Variants in NKAIN3 observed in about 807,000 individuals in gnomAD.
The protein encoded by NKAIN3 is sodium/potassium-transporting ATPase subunit beta-1-interacting protein 3.
NKAIN3 carries 25 observed loss-of-function variants against 30.2 expected under a neutral mutation model. That is an observed-to-expected ratio of 0.83 (90% CI 0.60 to 1.16). The LOEUF is 1.16. NKAIN3 is among the 50% of genes most tolerant of loss of function. The pLI is 0.00. For synonymous variants in NKAIN3, 91 were observed against 89.6 expected (o/e 1.02, Z -0.09); for missense variants, 225 against 254.1 (o/e 0.89, Z 0.78).
intron 6 of NKAIN3, among the ~76,000 whole-genome samples, chr8:62,960,753 ACAC>A (rs1005101792): frequency 6.6e-6 from 1 of 151,926 alleles, no homozygotes; most frequent in African/African-American, 2.4e-5. Context: ...ACACACACAC[ACAC>A]AAGTGATTAG....
Position 62,967,859 on chromosome 8 carries a change from T to C in NKAIN3, c.*2452T>C, listed in dbSNP as rs913555179. ...GAACCATACTAAATTTTGTTTCTAT[T>C]TTATCTTCACGTGAATTTGTACATA... On this transcript the variant is annotated 3_prime_UTR_variant, in exon 7 of 7. Transcript: ENST00000623646. Among the ~76,000 whole-genome samples, 1 of 152,216 alleles carries C rather than the reference T, an allele frequency of 6.6e-6. No individual in the cohort carries two copies. Among genetic ancestry groups the C allele is most frequent in the Non-Finnish European group, 1.5e-5 (1 of 68,046 alleles).
In NKAIN3 at chr8:62,810,431, C is replaced by T. The variant is rs975940779; in HGVS notation, c.471+63302C>T. On this transcript the variant is annotated intron_variant, in intron 4 of 6. Transcript: ENST00000623646. ...GAGAAGGTCTGGGTTTCAGCCTGGA[C>T]CCTTGATCTGATTCGCTTTAAGGAC... Among the ~76,000 whole-genome samples, 8 of 152,092 alleles carry T rather than the reference C, an allele frequency of 5.3e-5. No individual in the cohort carries two copies. In the South Asian group the frequency reaches 1.0e-3, roughly 20 times the overall value.
At chr8:62,992,416 A>G (rs1241281999) in intron 5 of NKAIN3, among the ~76,000 whole-genome samples, 1 of 151,926 alleles carries the variant, frequency 6.6e-6, no homozygotes, top group East Asian at 1.9e-4. Flanking sequence ...CAGTTCTACT[A>G]TTCATTTACT....
chr8:62,773,246 T>A (rs930311170), intron 4 of NKAIN3, among the ~76,000 whole-genome samples: 1 of 152,132 alleles, frequency 6.6e-6, no homozygotes. Context: ...TGGAGAGAGA[T>A]TGGAGTATGG....
At chr8:62,781,584 G>A (rs1407929655) in intron 4 of NKAIN3, among the ~76,000 whole-genome samples, 2 of 151,832 alleles carry the variant, frequency 1.3e-5, no homozygotes, top group African/African-American at 4.8e-5. Flanking sequence ...TAGATGCATG[G>A]ACCAATGGAA....
intron 3 of NKAIN3, among the ~76,000 whole-genome samples, chr8:62,639,954 C>T (rs1213915429): frequency 6.6e-6 from 1 of 152,092 alleles, no homozygotes; most frequent in Non-Finnish European, 1.5e-5. Context: ...AGTAGGACTT[C>T]TAAGCTTTAC....
chr8:62,496,940 A>G (rs904668427), intron 1 of NKAIN3, among the ~76,000 whole-genome samples: 4 of 152,130 alleles, frequency 2.6e-5, no homozygotes, highest in African/African-American at 9.7e-5. Flanking sequence ...TAATAACTAC[A>G]GCGGCTATGC....
intron 4 of NKAIN3, among the ~76,000 whole-genome samples, chr8:62,817,877 A>G (rs1818733801): frequency 6.6e-6 from 1 of 152,086 alleles, no homozygotes; most frequent in African/African-American, 2.4e-5. Flanking sequence ...ATTTTCATTT[A>G]TCGTTTTTGT....
chr8:62,852,044 T>G (rs1819920667), intron 4 of NKAIN3, among the ~76,000 whole-genome samples: 1 of 152,224 alleles, frequency 6.6e-6, no homozygotes, highest in Non-Finnish European at 1.5e-5. Context: ...CAGCTCCTCC[T>G]TCTACCTCTG....
At chr8:62,529,724 GT>G (rs1177223075) in intron 1 of NKAIN3, among the ~76,000 whole-genome samples, 1 of 152,032 alleles carries the variant, frequency 6.6e-6, no homozygotes. Flanking sequence ...CCAGTACATG[GT>G]ATTCTGTTAT....
At chr8:62,929,118 C>T (rs1274075613) in intron 5 of NKAIN3, among the ~76,000 whole-genome samples, 1 of 152,184 alleles carries the variant, frequency 6.6e-6, no homozygotes, top group Non-Finnish European at 1.5e-5. Context: ...AGTAAGCATG[C>T]AGGGAATCAC....
chr8:62,948,184 C>T (rs1368485775), intron 5 of NKAIN3, among the ~76,000 whole-genome samples: 2 of 151,500 alleles, frequency 1.3e-5, no homozygotes, highest in Non-Finnish European at 2.9e-5. Flanking sequence ...ATATCTGTGA[C>T]TTGGTATTTC....
At chr8:62,987,283 C>T (rs1462910885), downstream of NKAIN3, among the ~76,000 whole-genome samples, 1 of 151,932 alleles carries the variant, frequency 6.6e-6, no homozygotes, top group African/African-American at 2.4e-5. Context: ...TGTAATTCTA[C>T]TTGAGAGGCT....
chr8:62,870,913 G>A (rs1415998762), intron 4 of NKAIN3, among the ~76,000 whole-genome samples: 5 of 151,748 alleles, frequency 3.3e-5, no homozygotes, highest in Non-Finnish European at 5.9e-5. Flanking sequence ...CTTTGGAAAA[G>A]TAGTTCGAGG....
intron 4 of NKAIN3, among the ~76,000 whole-genome samples, chr8:62,807,207 C>T (rs1818324792): frequency 6.6e-6 from 1 of 152,070 alleles, no homozygotes; most frequent in Non-Finnish European, 1.5e-5. Flanking sequence ...CCCTTGTATC[C>T]AAATTGAATA....
intron 3 of NKAIN3, among the ~76,000 whole-genome samples, chr8:62,709,164 A>T (rs1399159364): frequency 1.3e-5 from 2 of 152,086 alleles, no homozygotes; most frequent in Admixed American, 1.3e-4. Context: ...TTCATCAAGG[A>T]TATCAATCTG....
At chr8:62,875,002 A>C (rs981110139) in intron 4 of NKAIN3, among the ~76,000 whole-genome samples, 11 of 152,194 alleles carry the variant, frequency 7.2e-5, no homozygotes, top group Admixed American at 5.9e-4. Context: ...AAGCATATTC[A>C]AATAGGAAGG....
intron 4 of NKAIN3, among the ~76,000 whole-genome samples, chr8:62,862,308 G>A (rs986198895): frequency 2.6e-5 from 4 of 151,536 alleles, no homozygotes; most frequent in Non-Finnish European, 4.4e-5. Context: ...AAAAAAAAAA[G>A]AAAATATGGA....
chr8:62,639,749 G>T (rs1732378784), intron 3 of NKAIN3, among the ~76,000 whole-genome samples: 1 of 151,998 alleles, frequency 6.6e-6, no homozygotes, highest in South Asian at 2.1e-4. Context: ...GGAGGATGTG[G>T]GTGCAGAGAG....
Sources: allele counts gnomAD v4.1 joint callset (sites outside exome capture counted in the v4.1 genomes callset), GRCh38; gene constraint gnomAD v4.1.1; transcripts MANE v1.5; gene names NCBI Gene and HGNC (gene_info 2026-07-23, HGNC 2026-07-21).